The following ASTN1 variants were observed in gnomAD, a reference collection of about 807,000 sequenced individuals.
ASTN1 encodes astrotactin 1.
In ASTN1, 41 loss-of-function variants were observed where a neutral mutation model predicts 140.7. The observed-to-expected ratio is 0.29, with a 90% CI of 0.23 to 0.38. The LOEUF is 0.38. ASTN1 is among the 10% of genes least tolerant of loss of function. The pLI, the probability that ASTN1 is intolerant of heterozygous loss-of-function variation, is 1.00. For missense variants in ASTN1, 1,479 were observed against 1,678.8 expected (o/e 0.88, Z 2.08); for synonymous variants, 640 against 652.2 (o/e 0.98, Z 0.29).
chr1:176,994,845 G>T (rs981402251), intron 8 of ASTN1, among the ~76,000 whole-genome samples: 3 of 152,050 alleles, frequency 2.0e-5, no homozygotes, highest in Non-Finnish European at 2.9e-5. Context: ...AGCCCTAAAT[G>T]ATTGTTGGCT....
intron 12 of ASTN1, among the ~76,000 whole-genome samples, chr1:176,946,344 T>G (rs989487682): frequency 6.6e-6 from 1 of 152,222 alleles, no homozygotes; most frequent in Non-Finnish European, 1.5e-5. Context: ...ACCTTTGCTG[T>G]GCAGAGAAGT....
chr1:176,859,375 A>T (rs553438001), downstream of ASTN1, among the ~76,000 whole-genome samples: 2 of 152,308 alleles, frequency 1.3e-5, no homozygotes, highest in East Asian at 3.9e-4. Flanking sequence ...CCCAGCCTCC[A>T]TAAGTTCTCA....
rs1206024493 is a variant in ASTN1, at chr1:176,862,104, G to A, written c.*2180C>T. ...GCTCTGGGCCCTGTCTGATTGGCCT[G>A]TCACATCTTCTCTGGCAATGGTGAA... On this transcript the variant is annotated 3_prime_UTR_variant, in exon 23 of 23. Coordinates refer to ENST00000361833, the MANE Select transcript of ASTN1 (RefSeq NM_004319.3). 2.0e-6 allele frequency: 2 copies of A among 985,450 alleles called. No individual in the cohort carries two copies. The highest frequency in any genetic ancestry group is 2.3e-4 in the East Asian group (2 of 8,806). 61.0% of individuals were successfully genotyped at this position (985,450 alleles called of 1,614,324 possible).
chr1:176,973,676 C>A (rs1339101012), intron 8 of ASTN1, among the ~76,000 whole-genome samples: 1 of 152,190 alleles, frequency 6.6e-6, no homozygotes, highest in African/African-American at 2.4e-5. Flanking sequence ...TCTCCCTCAG[C>A]ACATGATGTG....
At chr1:177,037,325 C>G (rs1441611719) in intron 2 of ASTN1, among the ~76,000 whole-genome samples, 1 of 152,180 alleles carries the variant, frequency 6.6e-6, no homozygotes, top group Non-Finnish European at 1.5e-5. Context: ...ATGCACATAT[C>G]TCACACAGCT....
At chr1:177,078,264 T>G (rs1679015982) in intron 1 of ASTN1, among the ~76,000 whole-genome samples, 1 of 152,198 alleles carries the variant, frequency 6.6e-6, no homozygotes, top group African/African-American at 2.4e-5. Context: ...CCTTGAGGGT[T>G]GGCTGACACA....
intron 1 of ASTN1, among the ~76,000 whole-genome samples, chr1:177,125,332 T>C (rs1358027458): frequency 6.6e-6 from 1 of 152,236 alleles, no homozygotes; most frequent in Non-Finnish European, 1.5e-5. Flanking sequence ...GAAATTAATG[T>C]ATATTATATT....
intron 8 of ASTN1, among the ~76,000 whole-genome samples, chr1:176,982,697 T>C (rs1051526412): frequency 6.6e-6 from 1 of 152,164 alleles, no homozygotes; most frequent in Admixed American, 6.5e-5. Flanking sequence ...TGATTTAGTA[T>C]GTCTGATATG....
chr1:176,983,979 A>G (rs1673760070), intron 8 of ASTN1, among the ~76,000 whole-genome samples: 1 of 152,214 alleles, frequency 6.6e-6, no homozygotes, highest in African/African-American at 2.4e-5. Context: ...GTGCTGCTGT[A>G]GAATGATCCA....
chr1:177,118,268 G>A (rs1015945909), intron 1 of ASTN1, among the ~76,000 whole-genome samples: 2 of 152,106 alleles, frequency 1.3e-5, no homozygotes, highest in Admixed American at 6.6e-5. Flanking sequence ...AATAACAATG[G>A]TCTTTGAATA....
At chr1:176,953,556 T>C (rs1262040225) in intron 11 of ASTN1, among the ~76,000 whole-genome samples, 1 of 152,122 alleles carries the variant, frequency 6.6e-6, no homozygotes, top group Non-Finnish European at 1.5e-5. Context: ...CAGTGATAGC[T>C]TCCTGCCTCC....
chr1:176,886,659 C>A (rs986359951), intron 18 of ASTN1, among the ~76,000 whole-genome samples: 6 of 152,188 alleles, frequency 3.9e-5, no homozygotes, highest in African/African-American at 1.2e-4. Flanking sequence ...CCCTCTAGTG[C>A]TGCATTCTCC....
intron 7 of ASTN1, among the ~76,000 whole-genome samples, chr1:177,016,173 A>G (rs1189296215): frequency 6.6e-6 from 1 of 152,154 alleles, no homozygotes; most frequent in South Asian, 2.1e-4. Context: ...TTTTTTTAGC[A>G]TCTTAGCTTA....
intron 8 of ASTN1, among the ~76,000 whole-genome samples, chr1:176,993,031 T>C (rs1485926953): frequency 6.6e-6 from 1 of 152,216 alleles, no homozygotes; most frequent in Admixed American, 6.5e-5. Context: ...CTCTGCCATG[T>C]AGGAACCTGG....
At chr1:176,955,870 A>G (rs1571563615) in intron 11 of ASTN1, among the ~76,000 whole-genome samples, 1 of 152,252 alleles carries the variant, frequency 6.6e-6, no homozygotes, top group Admixed American at 6.5e-5. Context: ...GAGAGTAGGG[A>G]AGGAGGTGCA....
intron 16 of ASTN1, among the ~76,000 whole-genome samples, chr1:176,903,078 C>G (rs1669835610): frequency 6.6e-6 from 1 of 152,124 alleles, no homozygotes; most frequent in Admixed American, 6.6e-5. Flanking sequence ...TGGAGAGAAG[C>G]AAAGGGGATT....
At chr1:177,015,738 A>G (rs1165977706) in intron 7 of ASTN1, among the ~76,000 whole-genome samples, 1 of 152,162 alleles carries the variant, frequency 6.6e-6, no homozygotes, top group East Asian at 1.9e-4. Context: ...CATCTTATTT[A>G]CAAGTAAATC....
chr1:176,963,282 T>C (rs989245328), intron 9 of ASTN1, among the ~76,000 whole-genome samples: 4 of 152,182 alleles, frequency 2.6e-5, no homozygotes, highest in Admixed American at 6.5e-5. Context: ...TGAGTGAGCA[T>C]AGTAGCAAAT....
At chr1:177,116,572 C>T (rs1376923346) in intron 1 of ASTN1, among the ~76,000 whole-genome samples, 1 of 152,160 alleles carries the variant, frequency 6.6e-6, no homozygotes. Flanking sequence ...CATTGCCAAA[C>T]TTCTTAAAGA....
Sources: gnomAD v4.1 joint callset for allele counts (sites outside exome capture counted in the v4.1 genomes callset) on GRCh38, gnomAD v4.1.1 for gene constraint, MANE v1.5 for transcripts, NCBI Gene and HGNC (gene_info 2026-07-23, HGNC 2026-07-21) for gene names.